Variants in PCDH11X observed in about 807,000 individuals in gnomAD.
PCDH11X encodes the protein protocadherin-11 X-linked.
A neutral mutation model predicts 53.3 loss-of-function variants in PCDH11X; 18 were observed. The observed-to-expected ratio is 0.34, with a 90% CI of 0.23 to 0.50. PCDH11X has a LOEUF of 0.50. PCDH11X is among the 20% of genes least tolerant of loss of function. PCDH11X has a pLI of 0.98. For missense variants in PCDH11X, 570 were observed against 1,032.4 expected, an observed-to-expected ratio of 0.55 and a Z score of 6.14; for synonymous variants, 279 against 393.3, an observed-to-expected ratio of 0.71 and a Z score of 3.44.
intron 10 of PCDH11X, among the ~76,000 whole-genome samples, chrX:92,540,718 T>G (rs1447178907): frequency 6.5e-5 from 7 of 107,441 alleles, no homozygotes; most frequent in Non-Finnish European, 1.3e-4. Flanking sequence ...GAGTACTCCC[T>G]GACTATCACT....
At chrX:92,120,155 C>CTT (rs764997941) in intron 6 of PCDH11X, among the ~76,000 whole-genome samples, 123 of 60,637 alleles carry the variant, frequency 2.0e-3, no homozygotes, top group Non-Finnish European at 2.4e-3. Context: ...ACTTTTCTTT[C>CTT]TTTTTTTTTT....
At chrX:92,043,042 T>A (rs2148034158) in intron 6 of PCDH11X, among the ~76,000 whole-genome samples, 1 of 109,748 alleles carries the variant, frequency 9.1e-6, no homozygotes, top group East Asian at 2.9e-4. Flanking sequence ...GATATTTTTA[T>A]GTTGTTATTG....
intron 10 of PCDH11X, among the ~76,000 whole-genome samples, chrX:92,530,841 T>C (rs1340633558): frequency 9.0e-5 from 10 of 111,480 alleles, no homozygotes; most frequent in African/African-American, 3.3e-4. Context: ...ATATGGAAAG[T>C]AATATAGATG....
intron 6 of PCDH11X, among the ~76,000 whole-genome samples, chrX:91,936,294 T>C (rs2061443893): frequency 9.1e-6 from 1 of 109,610 alleles, no homozygotes; most frequent in South Asian, 3.8e-4. Context: ...ACCCCTCAAT[T>C]AATGGTGCAT....
chrX:92,103,095 T>TG (rs2064296492), intron 6 of PCDH11X, among the ~76,000 whole-genome samples: 1 of 108,405 alleles, frequency 9.2e-6, no homozygotes, highest in Non-Finnish European at 1.9e-5. Flanking sequence ...TGGGTTAAGG[T>TG]GGGGGGATAT....
intron 8 of PCDH11X, among the ~76,000 whole-genome samples, chrX:92,298,878 C>G (rs1411393039): frequency 9.0e-6 from 1 of 111,534 alleles, no homozygotes; most frequent in Non-Finnish European, 1.9e-5. Flanking sequence ...TCTTTCAGAG[C>G]TTATATACCT....
intron 10 of PCDH11X, among the ~76,000 whole-genome samples, chrX:92,510,222 C>T (rs1201713794): frequency 9.5e-6 from 1 of 104,727 alleles, no homozygotes; most frequent in African/African-American, 3.4e-5. Flanking sequence ...CATTACCAGG[C>T]TATAACATCT....
At chrX:92,342,384 A>G (rs2148516656) in intron 8 of PCDH11X, among the ~76,000 whole-genome samples, 1 of 111,233 alleles carries the variant, frequency 9.0e-6, no homozygotes, top group East Asian at 2.8e-4. Context: ...TCATTTCACC[A>G]AAAAGACACA....
In PCDH11X at chrX:91,907,370, AACACAC is replaced by A. The variant is rs777259208; in HGVS notation, c.3033+28135_3033+28140del. 2.6e-3 allele frequency among the ~76,000 whole-genome samples: 95 copies of A among 36,148 alleles called. 1 individual carries two copies. Among genetic ancestry groups the A allele is most frequent in the African/African-American group, 7.7e-3 (79 of 10,308 alleles). 31.4% of individuals were successfully genotyped at this position (36,148 alleles called of 115,157 possible). A position where few individuals can be genotyped will look rare whatever the true frequency, so the allele number is the denominator to read the frequency against. On this transcript the variant is annotated intron_variant, in intron 6 of 10. Coordinates refer to ENST00000682573, the MANE Select transcript of PCDH11X (RefSeq NM_032968.5). ...CATGTACATGATACACACCACCCTC[AACACAC>A]ACACACACACACACACACACACACA... is the stretch of plus-strand genomic sequence containing the variant.
intron 7 of PCDH11X, among the ~76,000 whole-genome samples, chrX:92,251,415 TTCCAAAA>T (rs1381654676): frequency 1.8e-5 from 2 of 111,074 alleles, no homozygotes; most frequent in Non-Finnish European, 3.8e-5. Flanking sequence ...TATAGCAGTA[TTCCAAAA>T]TCCAAAATGA....
chrX:92,315,628 C>T (rs2069057999), intron 8 of PCDH11X, among the ~76,000 whole-genome samples: 1 of 110,409 alleles, frequency 9.1e-6, no homozygotes. Context: ...CCTTGATCTC[C>T]TGTGCTCAAA....
chrX:92,611,041 C>G (rs1005968986), intron 10 of PCDH11X, among the ~76,000 whole-genome samples: 21 of 109,183 alleles, frequency 1.9e-4, no homozygotes, highest in Non-Finnish European at 3.2e-4. Context: ...ATGCCTCCAG[C>G]TTTGTTCTTT....
At chrX:92,294,414 A>G (rs1238100215) in intron 8 of PCDH11X, among the ~76,000 whole-genome samples, 1 of 112,100 alleles carries the variant, frequency 8.9e-6, no homozygotes, top group Non-Finnish European at 1.9e-5. Context: ...AATTGCTGGG[A>G]TTACAGGCTG....
intron 10 of PCDH11X, among the ~76,000 whole-genome samples, chrX:92,469,497 C>T (rs1212533417): frequency 9.0e-6 from 1 of 111,151 alleles, no homozygotes; most frequent in Non-Finnish European, 1.9e-5. Flanking sequence ...AGGAGTTTCC[C>T]CAAAGTGTTC....
At chrX:92,439,330 T>G (rs779047944) in intron 9 of PCDH11X, among the ~76,000 whole-genome samples, 1 of 110,283 alleles carries the variant, frequency 9.1e-6, no homozygotes, top group East Asian at 2.9e-4. Context: ...TCTGTTATAC[T>G]GAAATGGAAG....
intron 9 of PCDH11X, among the ~76,000 whole-genome samples, chrX:92,464,019 T>C (rs1349964733): frequency 8.9e-6 from 1 of 111,942 alleles, no homozygotes; most frequent in Non-Finnish European, 1.9e-5. Context: ...TAGTTACCTC[T>C]ATAATAAAGG....
intron 6 of PCDH11X, among the ~76,000 whole-genome samples, chrX:92,156,334 A>G (rs2065536008): frequency 9.1e-6 from 1 of 109,404 alleles, no homozygotes; most frequent in Non-Finnish European, 1.9e-5. Context: ...GACTGATTCT[A>G]TTGCATAAAT....
At chrX:92,422,216 A>T (rs1291949735) in intron 9 of PCDH11X, among the ~76,000 whole-genome samples, 18 of 102,626 alleles carry the variant, frequency 1.8e-4, no homozygotes, top group Non-Finnish European at 3.3e-4. Flanking sequence ...AGTTACATGG[A>T]TAAGATTTTT....
At chrX:92,210,124 A>G (rs1200098372) in intron 7 of PCDH11X, among the ~76,000 whole-genome samples, 1 of 110,811 alleles carries the variant, frequency 9.0e-6, no homozygotes, top group Non-Finnish European at 1.9e-5. Context: ...AAGGTCGCTG[A>G]AATGCCTTCG....
Sources: gnomAD v4.1 joint callset for allele counts (sites outside exome capture counted in the v4.1 genomes callset) on GRCh38, gnomAD v4.1.1 for gene constraint, MANE v1.5 for transcripts, NCBI Gene and HGNC (gene_info 2026-07-23, HGNC 2026-07-21) for gene names.